Variants in KLF12 observed in about 807,000 individuals in gnomAD.
KLF12 encodes Krueppel-like factor 12.
A neutral mutation model predicts 37.8 loss-of-function variants in KLF12; 9 were observed. The observed-to-expected ratio is 0.24, with a 90% CI of 0.14 to 0.42. The LOEUF (loss-of-function observed/expected upper bound fraction) is 0.42, where lower values mean the gene tolerates loss of function less well. KLF12 is among the 10% of genes least tolerant of loss of function. KLF12 has a pLI of 1.00. For missense variants in KLF12, 411 were observed against 516.0 expected (o/e 0.80, Z 1.97); for synonymous variants, 208 against 202.1 (o/e 1.03, Z -0.25).
At chr13:73,801,709 T>C (rs1352257642) in intron 5 of KLF12, 1 of 152,154 alleles carries the variant, frequency 6.6e-6, no homozygotes, top group Non-Finnish European at 1.5e-5. Context: ...CGGTTTGGAA[T>C]ACACTGTATG....
chr13:73,926,091 T>C lies in KLF12; in HGVS notation c.123+17890A>G, dbSNP rs576847205. 3.9e-5 allele frequency among the ~76,000 whole-genome samples: 6 copies of C among 152,310 alleles called. No individual in the cohort carries two copies. The South Asian group carries it at 1.0e-3, about 26-fold the overall frequency. The stretch of plus-strand genomic sequence containing the variant: ...AAAGATTTAGAATACTTTATGAACG[T>C]AGTTGAGCATGCAGAGGCAGGGTTT... On this transcript the variant is annotated intron_variant, in intron 3 of 7. Coordinates refer to ENST00000377669, the MANE Select transcript of KLF12 (RefSeq NM_007249.5).
chr13:74,238,152 G>A, the KLF12 span, among the ~76,000 whole-genome samples: 1 of 132,356 alleles, frequency 7.6e-6, no homozygotes, highest in East Asian at 2.0e-4. Flanking sequence ...AGCATGAAGG[G>A]TTGTTGAATT....
the KLF12 span, among the ~76,000 whole-genome samples, chr13:74,235,875 T>A: frequency 1.3e-5 from 2 of 152,102 alleles, no homozygotes; most frequent in African/African-American, 4.8e-5. Context: ...ATACACACAT[T>A]TACTTTCATT....
chr13:74,223,790 T>C, the KLF12 span, among the ~76,000 whole-genome samples: 1 of 152,226 alleles, frequency 6.6e-6, no homozygotes. Flanking sequence ...TCTGCTGTAA[T>C]GGTCCTAGTT....
chr13:74,221,231 C>T, the KLF12 span, among the ~76,000 whole-genome samples: 2 of 152,194 alleles, frequency 1.3e-5, no homozygotes, highest in Admixed American at 1.3e-4. Flanking sequence ...TGGTCTCGAT[C>T]TCCTGACCTC....
chr13:73,847,594 C>T (rs1885098751), intron 3 of KLF12, among the ~76,000 whole-genome samples: 1 of 152,004 alleles, frequency 6.6e-6, no homozygotes, highest in Non-Finnish European at 1.5e-5. Context: ...GAAAATAAAT[C>T]AGTAATGGTA....
the KLF12 span, among the ~76,000 whole-genome samples, chr13:74,288,372 G>T: frequency 6.6e-6 from 1 of 152,176 alleles, no homozygotes; most frequent in Non-Finnish European, 1.5e-5. Flanking sequence ...AGTTTTATGG[G>T]ATTATAAACG....
chr13:74,068,638 C>G (rs1344489971), intron 1 of KLF12, among the ~76,000 whole-genome samples: 1 of 151,304 alleles, frequency 6.6e-6, no homozygotes, highest in Non-Finnish European at 1.5e-5. Context: ...CACACTGCAG[C>G]CTACACCTCC....
At chr13:74,302,655 A>C in the KLF12 span, among the ~76,000 whole-genome samples, 1 of 152,108 alleles carries the variant, frequency 6.6e-6, no homozygotes, top group African/African-American at 2.4e-5. Context: ...AATCATCGCC[A>C]AGTTTCCCTC....
chr13:74,005,008 A>C (rs1593822990), intron 1 of KLF12, among the ~76,000 whole-genome samples: 1 of 152,196 alleles, frequency 6.6e-6, no homozygotes, highest in Admixed American at 6.5e-5. Context: ...CTTTAAAATA[A>C]AAGCCAATTA....
intron 4 of KLF12, among the ~76,000 whole-genome samples, chr13:73,828,171 G>A (rs997510788): frequency 6.6e-6 from 1 of 151,874 alleles, no homozygotes; most frequent in Non-Finnish European, 1.5e-5. Context: ...ATTGCTTTCT[G>A]GCATCTGTTG....
At chr13:74,189,761 C>G in the KLF12 span, among the ~76,000 whole-genome samples, 3 of 152,134 alleles carry the variant, frequency 2.0e-5, no homozygotes, top group South Asian at 2.1e-4. Flanking sequence ...ATGTTATACA[C>G]TCTTTTCACA....
Position 73,741,902 on chromosome 13 carries a change from G to C in KLF12, c.869+23036C>G, listed in dbSNP as rs568891607. Among the ~76,000 whole-genome samples, 47 of 152,308 alleles carry C rather than the reference G, an allele frequency of 3.1e-4. 2 individuals carry two copies. In the South Asian group the frequency reaches 9.5e-3, roughly 31 times the overall value. ...GCAGAGTGTAGCACTAAGCTCGGGG[G>C]ATGCAGTCATGAGTAAGGTGGGGAC... On this transcript the variant is annotated intron_variant, in intron 6 of 7. Transcript: ENST00000377669.
the KLF12 span, among the ~76,000 whole-genome samples, chr13:74,203,535 CA>C: frequency 1.3e-5 from 2 of 151,396 alleles, no homozygotes; most frequent in African/African-American, 4.9e-5. Flanking sequence ...TAGGATAAGG[CA>C]AAAAAAGGTA....
chr13:74,019,778 C>G (rs1477987055), intron 1 of KLF12, among the ~76,000 whole-genome samples: 2 of 152,164 alleles, frequency 1.3e-5, no homozygotes, highest in Admixed American at 1.3e-4. Context: ...GCATTGAAGC[C>G]CCCTGGTCTT....
chr13:73,868,809 C>T (rs1019010523), intron 3 of KLF12, among the ~76,000 whole-genome samples: 1 of 152,132 alleles, frequency 6.6e-6, no homozygotes, highest in Non-Finnish European at 1.5e-5. Context: ...AAATAAATCA[C>T]CCAAATCTGA....
At chr13:74,183,470 G>T in the KLF12 span, among the ~76,000 whole-genome samples, 1 of 151,894 alleles carries the variant, frequency 6.6e-6, no homozygotes, top group African/African-American at 2.4e-5. Context: ...AATCTCCTTT[G>T]ACCAACACTC....
At chr13:74,120,021 G>C (rs546406021) in intron 1 of KLF12, among the ~76,000 whole-genome samples, 6 of 151,570 alleles carry the variant, frequency 4.0e-5, no homozygotes, top group African/African-American at 1.4e-4. Flanking sequence ...CTTTTCAGAA[G>C]TATATAAATG....
At chr13:74,046,796 A>G (rs1386337642) in intron 1 of KLF12, among the ~76,000 whole-genome samples, 4 of 152,194 alleles carry the variant, frequency 2.6e-5, no homozygotes, top group Non-Finnish European at 5.9e-5. Flanking sequence ...AACCACAGAT[A>G]CTTTCATTTG....
Sources: allele counts gnomAD v4.1 joint callset (sites outside exome capture counted in the v4.1 genomes callset), GRCh38; gene constraint gnomAD v4.1.1; transcripts MANE v1.5; gene names NCBI Gene and HGNC (gene_info 2026-07-23, HGNC 2026-07-21).